EXOC6B: variants seen among roughly 807,000 people sequenced by gnomAD.
EXOC6B encodes SEC15 homolog B.
In EXOC6B, 54 loss-of-function variants were observed where a neutral mutation model predicts 113.5. The observed-to-expected ratio is 0.48, with a 90% CI of 0.38 to 0.60. The LOEUF is 0.60. EXOC6B is among the 20% of genes least tolerant of loss of function. EXOC6B has a pLI of 0.00. For synonymous variants in EXOC6B, 357 were observed against 339.0 expected, an observed-to-expected ratio of 1.05 and a Z score of -0.58; for missense variants, 797 against 977.5, an observed-to-expected ratio of 0.82 and a Z score of 2.46.
chr2:72,612,342 A>C lies in EXOC6B; in HGVS notation c.670-36674T>G, dbSNP rs73945603. 4.6e-3 allele frequency among the ~76,000 whole-genome samples: 693 copies of C among 152,266 alleles called. 10 individuals carry two copies. Among genetic ancestry groups the C allele is most frequent in the African/African-American group, 0.016 (649 of 41,572 alleles). On this transcript the variant is annotated intron_variant, in intron 6 of 21. Transcript: ENST00000272427. Reference sequence around the variant, plus strand: ...AAACACTACTGTGCCTTAGCAGCAAAAACTTCAATTCTATGATTCTCCTTT... The same window carrying C: ...AAACACTACTGTGCCTTAGCAGCAACAACTTCAATTCTATGATTCTCCTTT...
At chr2:72,648,695 T>A (rs1207003005) in intron 6 of EXOC6B, among the ~76,000 whole-genome samples, 1 of 152,178 alleles carries the variant, frequency 6.6e-6, no homozygotes, top group Non-Finnish European at 1.5e-5. Flanking sequence ...GTGGTACATA[T>A]ACAGAATGGA....
chr2:72,559,986 C>A (rs1703802392), intron 7 of EXOC6B, among the ~76,000 whole-genome samples: 1 of 152,074 alleles, frequency 6.6e-6, no homozygotes, highest in Admixed American at 6.6e-5. Flanking sequence ...CTGAAGAACA[C>A]AAGAATTCGT....
At chr2:72,823,493 A>AAAAC (rs1686717366) in intron 1 of EXOC6B, among the ~76,000 whole-genome samples, 1 of 150,546 alleles carries the variant, frequency 6.6e-6, no homozygotes, top group Non-Finnish European at 1.5e-5. Flanking sequence ...AAACAAAAAA[A>AAAAC]AAGACAGTGG....
At chr2:72,644,938 A>G (rs559616741) in intron 6 of EXOC6B, among the ~76,000 whole-genome samples, 20 of 152,192 alleles carry the variant, frequency 1.3e-4, no homozygotes, top group Non-Finnish European at 2.4e-4. Flanking sequence ...ACACATAACA[A>G]TATTAACCTT....
intron 1 of EXOC6B, among the ~76,000 whole-genome samples, chr2:72,764,874 C>T (rs970861209): frequency 2.0e-5 from 3 of 152,156 alleles, no homozygotes; most frequent in Admixed American, 1.3e-4. Context: ...AGATCGTATA[C>T]TAATATTGCC....
At chr2:72,455,589 T>C (rs755054734) in intron 18 of EXOC6B, among the ~76,000 whole-genome samples, 4 of 152,162 alleles carry the variant, frequency 2.6e-5, no homozygotes, top group Non-Finnish European at 4.4e-5. Context: ...TCACTAACTC[T>C]AGATGAATAG....
intron 20 of EXOC6B, among the ~76,000 whole-genome samples, chr2:72,301,193 C>T (rs1686504647): frequency 6.6e-6 from 1 of 152,152 alleles, no homozygotes; most frequent in African/African-American, 2.4e-5. Context: ...AGGGATAAAG[C>T]CTACTTGATC....
At chr2:72,374,743 A>G (rs1015978217) in intron 19 of EXOC6B, among the ~76,000 whole-genome samples, 3 of 151,274 alleles carry the variant, frequency 2.0e-5, no homozygotes, top group African/African-American at 7.3e-5. Context: ...TCCATTTTTC[A>G]TGATGTGATT....
chr2:72,530,486 C>T (rs973148866), intron 8 of EXOC6B, among the ~76,000 whole-genome samples: 11 of 152,028 alleles, frequency 7.2e-5, no homozygotes, highest in African/African-American at 2.7e-4. Context: ...TTGTTGAGGT[C>T]TGTTTGGCCG....
chr2:72,565,140 C>T (rs1296404584), intron 7 of EXOC6B, among the ~76,000 whole-genome samples: 1 of 151,852 alleles, frequency 6.6e-6, no homozygotes, highest in Admixed American at 6.6e-5. Context: ...CGCTTGAGCC[C>T]AGGAGTTCAA....
chr2:72,725,776 T>A (rs972674137), intron 5 of EXOC6B, among the ~76,000 whole-genome samples: 1 of 152,164 alleles, frequency 6.6e-6, no homozygotes, highest in Non-Finnish European at 1.5e-5. Context: ...AAGGTGCAGG[T>A]GCTTTGGAAA....
At chr2:72,331,887 C>A (rs1231248372) in intron 20 of EXOC6B, among the ~76,000 whole-genome samples, 1 of 152,076 alleles carries the variant, frequency 6.6e-6, no homozygotes, top group East Asian at 1.9e-4. Context: ...GTTTTGCTAT[C>A]CGCATCTAAT....
intron 18 of EXOC6B, among the ~76,000 whole-genome samples, chr2:72,424,562 TC>T (rs1695094402): frequency 6.6e-6 from 1 of 152,190 alleles, no homozygotes; most frequent in African/African-American, 2.4e-5. Flanking sequence ...TTAATAGTTT[TC>T]ATTATCAATT....
chr2:72,265,091 G>C (rs546205290), intron 20 of EXOC6B, among the ~76,000 whole-genome samples: 1 of 151,960 alleles, frequency 6.6e-6, no homozygotes, highest in Non-Finnish European at 1.5e-5. Context: ...GGAAGACATG[G>C]AACGTTTGGA....
chr2:72,765,320 A>G (rs561720192), intron 1 of EXOC6B, among the ~76,000 whole-genome samples: 9 of 152,246 alleles, frequency 5.9e-5, no homozygotes, highest in Non-Finnish European at 1.2e-4. Flanking sequence ...AAATAAATGA[A>G]TACCTCTCCA....
intron 6 of EXOC6B, among the ~76,000 whole-genome samples, chr2:72,646,321 AG>A (rs143953983): frequency 0.61 from 92,883 of 151,764 alleles, 34,658 homozygotes; most frequent in East Asian, 0.99. Context: ...AACCAAAAAA[AG>A]TCCAGGACCA....
intron 20 of EXOC6B, among the ~76,000 whole-genome samples, chr2:72,305,688 C>T (rs1336847714): frequency 1.3e-5 from 2 of 152,054 alleles, no homozygotes; most frequent in African/African-American, 2.4e-5. Context: ...ACCTCATGGA[C>T]TTGTAATGAT....
chr2:72,589,148 AT>A (rs1363958788), intron 6 of EXOC6B, among the ~76,000 whole-genome samples: 1 of 141,924 alleles, frequency 7.0e-6, no homozygotes, highest in East Asian at 2.1e-4. Flanking sequence ...AAATAAAAAA[AT>A]TTGAGCCTCT....
intron 18 of EXOC6B, among the ~76,000 whole-genome samples, chr2:72,448,817 C>T (rs1269327006): frequency 6.6e-6 from 1 of 152,142 alleles, no homozygotes; most frequent in East Asian, 1.9e-4. Context: ...AAACTAACCA[C>T]AGATCATTTC....
Sources: gnomAD v4.1 joint callset for allele counts (sites outside exome capture counted in the v4.1 genomes callset) on GRCh38, gnomAD v4.1.1 for gene constraint, MANE v1.5 for transcripts, NCBI Gene and HGNC (gene_info 2026-07-23, HGNC 2026-07-21) for gene names.